TSPAN2: variants seen among roughly 807,000 people sequenced by gnomAD.
TSPAN2 encodes the protein tetraspanin 2.
A neutral mutation model predicts 33.3 loss-of-function variants in TSPAN2; 24 were observed. The observed-to-expected ratio is 0.72, with a 90% CI of 0.52 to 1.01. The LOEUF (loss-of-function observed/expected upper bound fraction) is 1.01. TSPAN2 is among the 50% of genes least tolerant of loss of function. TSPAN2 has a pLI of 0.00. For missense variants in TSPAN2, 278 were observed against 281.3 expected, an observed-to-expected ratio of 0.99 and a Z score of 0.08; for synonymous variants, 114 against 104.5, an observed-to-expected ratio of 1.09 and a Z score of -0.56.
At chr1:115,070,374 C>CTT (rs35027846) in intron 2 of TSPAN2, among the ~76,000 whole-genome samples, 8,711 of 139,218 alleles carry the variant, frequency 0.063, 388 homozygotes, top group Non-Finnish European at 0.087. Context: ...CAATAATCTG[C>CTT]TTTTTTTTTT....
chr1:115,070,977 A>AT (rs571336180), intron 2 of TSPAN2, among the ~76,000 whole-genome samples: 11 of 152,112 alleles, frequency 7.2e-5, no homozygotes, highest in African/African-American at 1.2e-4. Context: ...GATAGGTTAT[A>AT]TTTTTTTGTC....
At chr1:115,078,387 G>A (rs77270399) in intron 1 of TSPAN2, among the ~76,000 whole-genome samples, 4,946 of 152,216 alleles carry the variant, frequency 0.032, 124 homozygotes, top group Non-Finnish European at 0.045. Flanking sequence ...ATGAGTGAAT[G>A]GAGGACCTTC....
chr1:115,074,063 G>A (rs1207639894), intron 1 of TSPAN2, among the ~76,000 whole-genome samples: 2 of 152,156 alleles, frequency 1.3e-5, no homozygotes, highest in Admixed American at 1.3e-4. Context: ...AATTCTGCTA[G>A]CCCATCCAGT....
At chr1:115,082,843 G>C (rs1015026708) in intron 1 of TSPAN2, among the ~76,000 whole-genome samples, 4 of 152,090 alleles carry the variant, frequency 2.6e-5, no homozygotes, top group African/African-American at 9.7e-5. Context: ...TTAAAACAAT[G>C]AAAAAAGCAT....
Position 115,050,392 on chromosome 1 carries a change from A to G in TSPAN2, c.*98T>C. ...TACAATTGACAGCAAATTATTTTAG[A>G]TCCTAATGTCATTTCAGTGTTAAAA... On this transcript the variant is annotated 3_prime_UTR_variant, in exon 8 of 8. Transcript: ENST00000369516. The G allele has an allele frequency of 1.8e-6, 2 of 1,081,902 alleles. No individual in the cohort carries two copies. The highest frequency in any genetic ancestry group is 2.9e-6 in the Non-Finnish European group (2 of 701,116). 67.0% of individuals were successfully genotyped at this position (1,081,902 alleles called of 1,614,324 possible).
intron 5 of TSPAN2, among the ~76,000 whole-genome samples, chr1:115,057,888 G>T (rs921884709): frequency 6.6e-6 from 1 of 152,220 alleles, no homozygotes; most frequent in Non-Finnish European, 1.5e-5. Context: ...TGTGTAAATT[G>T]CTACTTTTTA....
intron 2 of TSPAN2, among the ~76,000 whole-genome samples, chr1:115,067,890 T>A (rs1648011481): frequency 6.6e-6 from 1 of 152,130 alleles, no homozygotes; most frequent in African/African-American, 2.4e-5. Flanking sequence ...AGAAGACCCC[T>A]GGGGTGTCTG....
chr1:115,051,635 T>C (rs1675317601), intron 7 of TSPAN2, among the ~76,000 whole-genome samples: 2 of 152,220 alleles, frequency 1.3e-5, no homozygotes, highest in South Asian at 2.1e-4. Flanking sequence ...ATGGGTACTA[T>C]AACTTTCTGG....
chr1:115,062,284 C>G (rs377155628), intron 2 of TSPAN2, 52 bp from the exon 3 acceptor site: 1 of 1,421,006 alleles, frequency 7.0e-7, no homozygotes, highest in East Asian at 2.5e-5. Flanking sequence ...AGTGCCTCCA[C>G]GACCAACTAG....
intron 6 of TSPAN2, among the ~76,000 whole-genome samples, chr1:115,055,737 G>T (rs1464618592): frequency 6.6e-6 from 1 of 152,064 alleles, no homozygotes; most frequent in South Asian, 2.1e-4. Context: ...GCCCAGGGTG[G>T]TCTTAAACTC....
intron 2 of TSPAN2, among the ~76,000 whole-genome samples, chr1:115,062,814 CT>C (rs1647787820): frequency 6.6e-6 from 1 of 152,204 alleles, no homozygotes; most frequent in African/African-American, 2.4e-5. Context: ...TGGGGAACCC[CT>C]GGGCCTGGCA....
chr1:115,087,960 G>T (rs1296488486), intron 1 of TSPAN2, among the ~76,000 whole-genome samples: 1 of 152,224 alleles, frequency 6.6e-6, no homozygotes, highest in African/African-American at 2.4e-5. Context: ...TTCATAAGCA[G>T]TGAGAATGAA....
chr1:115,062,032 G>A (rs961017002), intron 3 of TSPAN2, 103 bp downstream of exon 3: 209 of 951,082 alleles, frequency 2.2e-4, no homozygotes, highest in Admixed American at 5.2e-4. Flanking sequence ...GGCTCAGAGA[G>A]TCCACGGAGG....
At position 115,051,383 on chromosome 1, in the gene TSPAN2, A is replaced by G. The variant is rs139209838; in HGVS notation, c.601-828T>C. Among the ~76,000 whole-genome samples the G allele has an allele frequency of 3.9e-3, 593 of 152,342 alleles. 3 individuals are homozygous for G. Among genetic ancestry groups the G allele is most frequent in the African/African-American group, 0.014 (565 of 41,584 alleles). Reference sequence around the variant, plus strand: ...AAACGATGCTTCACTGTTTAATTCAATAGTTTTAGCAAAACATAAACTAAA... The same window carrying G: ...AAACGATGCTTCACTGTTTAATTCAGTAGTTTTAGCAAAACATAAACTAAA... On this transcript the variant is annotated intron_variant, in intron 7 of 7. Coordinates refer to ENST00000369516, the MANE Select transcript of TSPAN2 (RefSeq NM_005725.6).
chr1:115,056,276 T>G (rs916274506), intron 6 of TSPAN2, among the ~76,000 whole-genome samples: 24 of 152,224 alleles, frequency 1.6e-4, no homozygotes, highest in Non-Finnish European at 3.1e-4. Flanking sequence ...TTGACTTTTG[T>G]AAACTTTCTT....
At chr1:115,089,342 C>A (rs1648966543) in intron 1 of TSPAN2, 22 bp downstream of exon 1, 1 of 1,558,748 alleles carries the variant, frequency 6.4e-7, no homozygotes, top group South Asian at 1.2e-5. Context: ...CCCTGACCGG[C>A]CCTCCCGGCT....
chr1:115,068,077 T>C (rs1648018976), intron 2 of TSPAN2, among the ~76,000 whole-genome samples: 1 of 152,198 alleles, frequency 6.6e-6, no homozygotes, highest in African/African-American at 2.4e-5. Flanking sequence ...TCCTCTCTTC[T>C]ACCCTTAGCA....
At position 115,066,219 on chromosome 1, in the gene TSPAN2, A is replaced by T. The variant is rs117663840; in HGVS notation, c.173-3987T>A. ...TGCTGCAATAAACATGGGAGTGCAG[A>T]TGTCTCTTTGATTTACTGATTTCCT... On this transcript the variant is annotated intron_variant, in intron 2 of 7. Coordinates refer to ENST00000369516, the MANE Select transcript of TSPAN2 (RefSeq NM_005725.6). 8.9e-4 allele frequency among the ~76,000 whole-genome samples: 135 copies of T among 152,302 alleles called. 1 individual carries two copies. The East Asian group carries it at 0.025, about 28-fold the overall frequency.
chr1:115,059,585 G>T (rs1226674599), intron 4 of TSPAN2, among the ~76,000 whole-genome samples: 2 of 152,134 alleles, frequency 1.3e-5, no homozygotes, highest in African/African-American at 2.4e-5. Context: ...TGGTTTAAAA[G>T]GTATTCATCA....
Sources: gnomAD v4.1 joint callset for allele counts (sites outside exome capture counted in the v4.1 genomes callset) on GRCh38, gnomAD v4.1.1 for gene constraint, MANE v1.5 for transcripts, NCBI Gene and HGNC (gene_info 2026-07-23, HGNC 2026-07-21) for gene names.